The following FBXL20 variants were observed in gnomAD, a reference collection of about 807,000 sequenced individuals.
FBXL20 encodes the protein F-box and leucine rich repeat protein 20, also known as F-box/LRR-repeat protein 20.
FBXL20 carries 11 observed loss-of-function variants against 64.0 expected under a neutral mutation model. The ratio of observed to expected loss-of-function variants is 0.17; its 90% CI spans 0.11 to 0.28. FBXL20 has a LOEUF of 0.28. FBXL20 is among the 10% of genes least tolerant of loss of function. The pLI is 1.00. For synonymous variants in FBXL20, 184 were observed against 189.0 expected (o/e 0.97, Z 0.22); for missense variants, 303 against 526.2 (o/e 0.58, Z 4.15).
intron 1 of FBXL20, among the ~76,000 whole-genome samples, chr17:39,348,314 A>G (rs1301702126): frequency 6.6e-6 from 1 of 152,188 alleles, no homozygotes; most frequent in Admixed American, 6.5e-5. Flanking sequence ...TACAAAAATT[A>G]GCTGGGCATG....
intron 1 of FBXL20, among the ~76,000 whole-genome samples, chr17:39,348,320 G>A (rs2047653872): frequency 6.6e-6 from 1 of 152,134 alleles, no homozygotes; most frequent in South Asian, 2.1e-4. Flanking sequence ...AATTAGCTGG[G>A]CATGGTGACG....
chr17:39,362,189 A>T (rs1159613759), intron 1 of FBXL20, among the ~76,000 whole-genome samples: 2 of 152,012 alleles, frequency 1.3e-5, no homozygotes, highest in African/African-American at 2.4e-5. Flanking sequence ...GCTACTCAGG[A>T]GGCTGAGGCA....
intron 9 of FBXL20, among the ~76,000 whole-genome samples, chr17:39,280,353 G>A (rs1261381059): frequency 1.4e-5 from 2 of 147,558 alleles, no homozygotes; most frequent in Non-Finnish European, 3.0e-5. Context: ...AGTGAGCCGA[G>A]ATAGCGTCAC....
intron 2 of FBXL20, among the ~76,000 whole-genome samples, chr17:39,317,149 G>A (rs187850174): frequency 3.0e-4 from 46 of 152,082 alleles, no homozygotes; most frequent in African/African-American, 1.1e-3. Context: ...TTTGCTTAAC[G>A]AAAAAAATTG....
intron 2 of FBXL20, among the ~76,000 whole-genome samples, chr17:39,309,013 T>G (rs898804755): frequency 6.6e-6 from 1 of 152,208 alleles, no homozygotes; most frequent in Non-Finnish European, 1.5e-5. Context: ...TGTATTTTAG[T>G]AAAAGCCTTG....
At chr17:39,352,537 C>A (rs1192841051) in intron 1 of FBXL20, among the ~76,000 whole-genome samples, 1 of 151,520 alleles carries the variant, frequency 6.6e-6, no homozygotes, top group Non-Finnish European at 1.5e-5. Flanking sequence ...AAAAATCAGC[C>A]GGGTGTGGTA....
rs2047380755 is a variant in FBXL20, at chr17:39,323,788, T to G, written c.104+19392A>C. On this transcript the variant is annotated intron_variant, in intron 2 of 14. Coordinates refer to ENST00000264658, the MANE Select transcript of FBXL20 (RefSeq NM_032875.3). The stretch of plus-strand genomic sequence containing the variant: ...GTATACTTCTGTTTTCTTTTTTTTT[T>G]TTTGAGATGGGTCTCGCTCTGTCGC... 3.3e-5 allele frequency among the ~76,000 whole-genome samples: 5 copies of G among 151,930 alleles called. No homozygotes were observed. In the South Asian group the frequency reaches 1.0e-3, roughly 32 times the overall value.
chr17:39,307,733 G>A (rs544727602), intron 2 of FBXL20, among the ~76,000 whole-genome samples: 4 of 151,888 alleles, frequency 2.6e-5, no homozygotes, highest in South Asian at 4.1e-4. Flanking sequence ...CACTTTGGGA[G>A]GCCGAGGCGG....
At chr17:39,262,843 A>G (rs1597756919) in intron 14 of FBXL20, among the ~76,000 whole-genome samples, 1 of 151,704 alleles carries the variant, frequency 6.6e-6, no homozygotes, top group Non-Finnish European at 1.5e-5. Flanking sequence ...CTAAAAATAC[A>G]AAAAGAAAAT....
chr17:39,401,872 G>A (rs2048250446), upstream of FBXL20: 2 of 400,856 alleles, frequency 5.0e-6, no homozygotes, highest in Non-Finnish European at 7.9e-6. Context: ...CGAGCCCATC[G>A]GGAGAAGGCG....
chr17:39,277,624 C>T (rs539222896), intron 9 of FBXL20, among the ~76,000 whole-genome samples: 4 of 151,708 alleles, frequency 2.6e-5, no homozygotes, highest in Admixed American at 6.6e-5. Flanking sequence ...CATGGTGTCA[C>T]GTGCCTGTAA....
chr17:39,340,898 G>GA (rs2047576177), intron 2 of FBXL20, among the ~76,000 whole-genome samples: 1 of 150,062 alleles, frequency 6.7e-6, no homozygotes, highest in Admixed American at 6.7e-5. Flanking sequence ...GCCCCAAAGT[G>GA]AATTTATTAA....
At chr17:39,272,893 C>A (rs2046859080) in intron 10 of FBXL20, among the ~76,000 whole-genome samples, 1 of 151,948 alleles carries the variant, frequency 6.6e-6, no homozygotes, top group Non-Finnish European at 1.5e-5. Flanking sequence ...TCTCTACAGT[C>A]GAAAAGGATA....
At chr17:39,368,943 C>T (rs2047888422) in intron 1 of FBXL20, among the ~76,000 whole-genome samples, 1 of 152,076 alleles carries the variant, frequency 6.6e-6, no homozygotes, top group South Asian at 2.1e-4. Context: ...GCATGAGCCA[C>T]CCCGCCCGAA....
rs143782945 is a variant in FBXL20, at chr17:39,356,902, G to A, written c.43-13661C>T. Among the ~76,000 whole-genome samples, 490 of 150,668 alleles carry A rather than the reference G, an allele frequency of 3.3e-3. 2 individuals are homozygous for A. The highest frequency in any genetic ancestry group is 0.011 in the African/African-American group (470 of 41,130). On this transcript the variant is annotated intron_variant, in intron 1 of 14. Transcript: ENST00000264658. ...TAGTCTTAAACTCCTAAACTCAAGAGCTCCTCCCACTTTGACCTCCCAAAG... is the reference window on the plus strand; with the variant it reads ...TAGTCTTAAACTCCTAAACTCAAGAACTCCTCCCACTTTGACCTCCCAAAG...
At chr17:39,383,007 A>G (rs1214444102) in intron 1 of FBXL20, among the ~76,000 whole-genome samples, 1 of 151,386 alleles carries the variant, frequency 6.6e-6, no homozygotes, top group South Asian at 2.1e-4. Context: ...ATACAAAAAA[A>G]AAAAAATTAG....
chr17:39,386,024 CAAAAAAAAAAAA>C (rs35967171), intron 1 of FBXL20, among the ~76,000 whole-genome samples: 2 of 39,632 alleles, frequency 5.0e-5, no homozygotes, highest in African/African-American at 2.0e-4. Flanking sequence ...GATTCCGTCT[CAAAAAAAAAAAA>C]AAAAAAAAAC....
At chr17:39,378,245 T>A (rs2047987856) in intron 1 of FBXL20, among the ~76,000 whole-genome samples, 1 of 152,196 alleles carries the variant, frequency 6.6e-6, no homozygotes, top group African/African-American at 2.4e-5. Flanking sequence ...GAAATTATTT[T>A]AAAATGATAT....
intron 1 of FBXL20, among the ~76,000 whole-genome samples, chr17:39,388,959 C>G (rs2144671636): frequency 6.6e-6 from 1 of 150,400 alleles, no homozygotes; most frequent in Middle Eastern, 3.4e-3. Context: ...AGAAAATTAC[C>G]TGGGCATGGT....
Sources: allele counts gnomAD v4.1 joint callset (sites outside exome capture counted in the v4.1 genomes callset), GRCh38; gene constraint gnomAD v4.1.1; transcripts MANE v1.5; gene names NCBI Gene and HGNC (gene_info 2026-07-23, HGNC 2026-07-21).